Variants in EPB41L5 observed in about 807,000 individuals in gnomAD.
EPB41L5 encodes the protein erythrocyte membrane protein band 4.1 like 5.
A neutral mutation model predicts 106.6 loss-of-function variants in EPB41L5; 55 were observed. The ratio of observed to expected loss-of-function variants is 0.52; its 90% CI spans 0.42 to 0.65. The LOEUF (loss-of-function observed/expected upper bound fraction) is 0.65, where lower values mean the gene tolerates loss of function less well. EPB41L5 is among the 30% of genes least tolerant of loss of function. The pLI is 0.00. For synonymous variants in EPB41L5, 297 were observed against 306.7 expected, an observed-to-expected ratio of 0.97 and a Z score of 0.33; for missense variants, 871 against 882.1, an observed-to-expected ratio of 0.99 and a Z score of 0.16.
At chr2:120,088,459 A>G (rs758631797) in intron 11 of EPB41L5, among the ~76,000 whole-genome samples, 8 of 152,186 alleles carry the variant, frequency 5.3e-5, no homozygotes, top group Admixed American at 1.3e-4. Context: ...AAGAGGGAGA[A>G]GAGTAGAAAA....
In EPB41L5 at chr2:120,127,791, A is replaced by G. The variant is rs112541867; in HGVS notation, c.1441A>G (p.Asn481Asp). The G allele has an allele frequency of 3.7e-6, 6 of 1,613,506 alleles. No individual in the cohort carries two copies. In the African/African-American group the frequency reaches 4.0e-5, roughly 11 times the overall value. ...SDTMETSQAL[N>D]DVNVATRLPG... is the part of the protein sequence containing the mutation. ...CACTATGGAAACATCCCAAGCACTG[A>G]ATGACGTTAATGTAGCCACCAGGCT... Residue 481 changes from asparagine to aspartate, a missense_variant, in exon 17 of 25, where the codon AAT (asparagine) becomes GAT (aspartate). Transcript: ENST00000263713.
intron 21 of EPB41L5, 100 bp downstream of exon 21, chr2:120,161,074 G>A (rs1687122724): frequency 1.2e-6 from 1 of 842,276 alleles, no homozygotes; most frequent in African/African-American, 1.7e-5. Context: ...AGTGACACTG[G>A]GACTTAAGAT....
rs1574463629 is a variant in EPB41L5 at position 120,019,390 on chromosome 2, A to G, written c.180+126A>G. On this transcript the variant is annotated intron_variant, in intron 2 of 24. Coordinates refer to ENST00000263713, the MANE Select transcript of EPB41L5 (RefSeq NM_020909.4). ...AAGGTATTATGGGTTAGTATAGATC[A>G]GGCACTGTAACATTCAGGTACATGG... 4 of 769,220 alleles carry G rather than the reference A, an allele frequency of 5.2e-6. No individual in the cohort carries two copies. In the East Asian group the frequency reaches 1.1e-4, roughly 21 times the overall value. 47.6% of individuals were successfully genotyped at this position (769,220 alleles called of 1,614,324 possible).
chr2:120,148,646 A>G (rs1686521456), intron 20 of EPB41L5, among the ~76,000 whole-genome samples: 1 of 152,102 alleles, frequency 6.6e-6, no homozygotes, highest in South Asian at 2.1e-4. Context: ...CATTCAACGT[A>G]ATATTTTCCA....
At chr2:120,123,646 C>CAT (rs1178238151) in intron 16 of EPB41L5, among the ~76,000 whole-genome samples, 11 of 68,304 alleles carry the variant, frequency 1.6e-4, no homozygotes, top group Admixed American at 4.2e-4. Flanking sequence ...GTGTTCGTCC[C>CAT]TTTTTTTTTT....
At chr2:120,061,755 AGGG>A (rs1435478619) in intron 3 of EPB41L5, among the ~76,000 whole-genome samples, 2 of 152,232 alleles carry the variant, frequency 1.3e-5, no homozygotes, top group African/African-American at 2.4e-5. Context: ...CTTTTAGAAA[AGGG>A]AAACGTAGAT....
rs34163490 is a variant in EPB41L5, at chr2:120,054,865, C to CT, written c.285+12773dup. On this transcript the variant is annotated intron_variant, in intron 3 of 24. Transcript: ENST00000263713. ...TTCCATTGATACATACATATATACA[C>CT]TTTTTTTTTTTTTTTTTTGAGACGG... Among the ~76,000 whole-genome samples the CT allele has an allele frequency of 4.8e-3, 628 of 129,760 alleles. 9 individuals are homozygous for CT. The highest frequency in any genetic ancestry group is 0.015 in the African/African-American group (537 of 36,286). 85.1% of individuals were successfully genotyped at this position (129,760 alleles called of 152,430 possible). A position where few individuals can be genotyped will look rare whatever the true frequency, so the allele number is the denominator to read the frequency against.
intron 1 of EPB41L5, among the ~76,000 whole-genome samples, chr2:120,015,804 G>T (rs1484919119): frequency 6.6e-6 from 1 of 151,284 alleles, no homozygotes; most frequent in South Asian, 2.1e-4. Flanking sequence ...AAAAACGTTA[G>T]CCCGGTGGGA....
chr2:120,087,771 A>T (rs1363930787), intron 11 of EPB41L5, among the ~76,000 whole-genome samples: 1 of 152,192 alleles, frequency 6.6e-6, no homozygotes, highest in Non-Finnish European at 1.5e-5. Flanking sequence ...TTACAGGAGT[A>T]AACCATTGTG....
At chr2:120,146,642 A>G (rs756478386) in intron 20 of EPB41L5, among the ~76,000 whole-genome samples, 1 of 152,176 alleles carries the variant, frequency 6.6e-6, no homozygotes, top group Non-Finnish European at 1.5e-5. Context: ...TTATCAACTT[A>G]CTTGCCATGG....
intron 24 of EPB41L5, among the ~76,000 whole-genome samples, chr2:120,172,490 C>G (rs1687720824): frequency 6.6e-6 from 1 of 152,214 alleles, no homozygotes. Flanking sequence ...TTTCTGAATT[C>G]TGGAGGGCAA....
At chr2:120,085,281 G>C (rs1682979954) in intron 10 of EPB41L5, among the ~76,000 whole-genome samples, 1 of 152,156 alleles carries the variant, frequency 6.6e-6, no homozygotes. Flanking sequence ...TGATGATGGT[G>C]ATGTACGGAT....
chr2:120,159,815 T>G (rs2105534208), intron 20 of EPB41L5, among the ~76,000 whole-genome samples: 1 of 152,322 alleles, frequency 6.6e-6, no homozygotes, highest in East Asian at 1.9e-4. Flanking sequence ...GGCTTCCCTA[T>G]TCAATAAATG....
rs967693579 is a variant in EPB41L5, at chr2:120,152,415, A to AT, written c.1793+6134dup. On this transcript the variant is annotated intron_variant, in intron 20 of 24. Transcript: ENST00000263713. Reference sequence around the variant, plus strand: ...ATTCTTCTCGATGCAGTTTGATAACATTTTTTTTAGGACTTTTGTATATAT... The same window carrying AT: ...ATTCTTCTCGATGCAGTTTGATAACATTTTTTTTTAGGACTTTTGTATATAT... Among the ~76,000 whole-genome samples, 181 of 138,400 alleles carry AT rather than the reference A, an allele frequency of 1.3e-3. 1 individual carries two copies. Among genetic ancestry groups the AT allele is most frequent in the African/African-American group, 3.8e-3 (155 of 40,442 alleles). 90.8% of individuals were successfully genotyped at this position (138,400 alleles called of 152,430 possible).
chr2:120,023,648 T>G (rs1678097631), intron 2 of EPB41L5, among the ~76,000 whole-genome samples: 1 of 152,198 alleles, frequency 6.6e-6, no homozygotes. Context: ...TTGCTTAGGA[T>G]TGTCTTGGCT....
rs1268839143 is a variant in EPB41L5, at chr2:120,104,856, A to G, written c.1337+4042A>G. 3.1e-6 allele frequency: 3 copies of G among 971,892 alleles called. No homozygotes were observed. In the African/African-American group the frequency reaches 5.3e-5, roughly 17 times the overall value. The allele number at this position is 971,892 out of a possible 1,614,324, so 60.2% of individuals were successfully genotyped here. On this transcript the variant is annotated intron_variant, in intron 16 of 24. Coordinates refer to ENST00000263713, the MANE Select transcript of EPB41L5 (RefSeq NM_020909.4). ...AGAGATCACATTAATAATGTGGCTCATGTATAGAGAAATCTGAATGGTTAG... is the reference window on the plus strand; with the variant it reads ...AGAGATCACATTAATAATGTGGCTCGTGTATAGAGAAATCTGAATGGTTAG...
intron 13 of EPB41L5, 112 bp downstream of exon 13, chr2:120,091,773 T>C (rs1311927676): frequency 6.1e-5 from 46 of 748,448 alleles, no homozygotes; most frequent in Admixed American, 5.2e-4. Flanking sequence ...TCTGTTCCAG[T>C]CAACTAAAGT....
intron 20 of EPB41L5, among the ~76,000 whole-genome samples, chr2:120,146,809 A>G (rs553963731): frequency 2.0e-5 from 3 of 152,258 alleles, no homozygotes; most frequent in African/African-American, 7.2e-5. Context: ...CTGTGAATCT[A>G]ATGTTCTGTG....
intron 3 of EPB41L5, among the ~76,000 whole-genome samples, chr2:120,047,605 A>C (rs1482214852): frequency 6.6e-6 from 1 of 152,136 alleles, no homozygotes; most frequent in Non-Finnish European, 1.5e-5. Context: ...TGTCATCTGC[A>C]AACAGGGACA....
Sources: allele counts gnomAD v4.1 joint callset (sites outside exome capture counted in the v4.1 genomes callset), GRCh38; gene constraint gnomAD v4.1.1; transcripts MANE v1.5; gene names NCBI Gene and HGNC (gene_info 2026-07-23, HGNC 2026-07-21).